The following MUC22 variants were observed in gnomAD, a reference collection of about 807,000 sequenced individuals.
MUC22 encodes the protein mucin 22.
MUC22 carries 24 observed loss-of-function variants against 40.3 expected under a neutral mutation model. The ratio of observed to expected loss-of-function variants is 0.60; its 90% confidence interval spans 0.43 to 0.84. The LOEUF is 0.84. Ranked by LOEUF, MUC22 falls within the 40% of genes least tolerant of loss-of-function variation. MUC22 has a pLI of 0.00. For synonymous variants in MUC22, 765 were observed against 844.5 expected, an observed-to-expected ratio of 0.91 and a Z score of 1.63; for missense variants, 1,926 against 2,130.7, an observed-to-expected ratio of 0.90 and a Z score of 1.89.
intron 1 of MUC22, among the ~76,000 whole-genome samples, chr6:31,022,364 A>G (rs939038622): frequency 6.6e-6 from 1 of 151,808 alleles, no homozygotes; most frequent in Admixed American, 6.6e-5. Flanking sequence ...GGGGTTCTCA[A>G]TTTTGGTTAG....
intron 3 of MUC22, 60 bp from the exon 4 acceptor site, chr6:31,034,612 G>C: frequency 7.2e-7 from 1 of 1,388,152 alleles, no homozygotes; most frequent in Non-Finnish European, 9.7e-7. Context: ...AGGCATGTAT[G>C]GTGATTAGGG....
rs1367392886 is a variant in MUC22, at chr6:31,032,424, G to A, written c.4898G>A (p.Gly1633Asp). ...ACCAGCAGCACCTTCCAGGAAACAGGCCCGGTGTCCATGGGCACAAACACA... is the reference window on the plus strand; with the variant it reads ...ACCAGCAGCACCTTCCAGGAAACAGACCCGGTGTCCATGGGCACAAACACA... The change falls in exon 3 of 4, where the codon GGC becomes GAC. Residue 1633 changes from glycine (G) to aspartate (D), a missense_variant. By Grantham distance (94) the Gly-to-Asp change is moderately conservative. This residue lies in a region of MUC22 where 610 missense variants were observed against 714.6 expected (regional missense o/e 0.85). Coordinates refer to ENST00000561890, the Ensembl canonical transcript of MUC22. This position sits in a 1 kb window ranked among gnomAD's most constrained non-coding sequence, Gnocchi z 4.1. 3.9e-6 allele frequency: 6 copies of A among 1,535,606 alleles called. No individual in the cohort carries two copies. The African/African-American group carries it at 4.1e-5, about 11-fold the overall frequency.
In MUC22 at chr6:31,032,241, C is replaced by T; in HGVS notation, c.4715C>T (p.Thr1572Ile). The change falls in exon 3 of 4, where the codon ACC becomes ATC. Residue 1572 changes from threonine (T) to isoleucine (I), a missense_variant. Coordinates refer to ENST00000561890, the Ensembl canonical transcript of MUC22. This position sits in a 1 kb window ranked among gnomAD's most constrained non-coding sequence, Gnocchi z 4.1. ...AGACTCACTGCCTCCAGCTCTGTCA[C>T]CATGGCCCCTGGAATGGACTTCACG... The T allele has an allele frequency of 2.6e-6, 4 of 1,535,602 alleles. No homozygotes were observed. Among genetic ancestry groups the T allele is most frequent in the Non-Finnish European group, 3.5e-6 (4 of 1,146,844 alleles).
intron 1 of MUC22, among the ~76,000 whole-genome samples, chr6:31,025,005 G>C (rs373776113): frequency 1.3e-5 from 2 of 152,052 alleles, no homozygotes; most frequent in South Asian, 4.2e-4. Flanking sequence ...GAATAGCTGG[G>C]ATTATAGGCA....
At chr6:31,012,965 C>T (rs1054315100) in intron 1 of MUC22, among the ~76,000 whole-genome samples, 1 of 151,944 alleles carries the variant, frequency 6.6e-6, no homozygotes, top group Non-Finnish European at 1.5e-5. Context: ...TGACACCCCA[C>T]CAAGCAAGAT....
chr6:31,013,831 A>C (rs1764012833), intron 1 of MUC22, among the ~76,000 whole-genome samples: 1 of 152,102 alleles, frequency 6.6e-6, no homozygotes, highest in Admixed American at 6.6e-5. Flanking sequence ...ACCCGGCCAT[A>C]AATTCTCTTA....
rs1319378241 is a variant in MUC22, at chr6:31,032,527, C to A, written c.5001C>A (p.Ser1667=). The change falls in exon 3 of 4, where the codon TCC becomes TCA. Residue 1667 remains serine (S), a synonymous_variant. Transcript: ENST00000561890. The surrounding 1 kb of genome is among the most constrained non-coding windows in gnomAD (Gnocchi z 4.1). ...AGCCCTGGGCTATCATCCTCATTTC[C>A]CTGGCTGCAGTTGTGGCTGCTGTTG... is the stretch of plus-strand genomic sequence containing the variant. The A allele has an allele frequency of 6.5e-7, 1 of 1,535,532 alleles. No individual in the cohort carries two copies. The highest frequency in any genetic ancestry group is 8.7e-7 in the Non-Finnish European group (1 of 1,146,906).
At chr6:31,018,743 G>A (rs1764454723) in intron 1 of MUC22, among the ~76,000 whole-genome samples, 2 of 152,262 alleles carry the variant, frequency 1.3e-5, no homozygotes, top group Admixed American at 1.3e-4. Flanking sequence ...ACATGGCCCA[G>A]GCCATATCTT....
intron 1 of MUC22, among the ~76,000 whole-genome samples, chr6:31,021,859 C>T (rs566169429): frequency 1.3e-5 from 2 of 152,064 alleles, no homozygotes; most frequent in Middle Eastern, 3.2e-3. Context: ...GTTTTCCACA[C>T]TGTGGAAACT....
chr6:31,034,780 A>G, exon 4 of MUC22: 5 of 1,535,740 alleles, frequency 3.3e-6, no homozygotes, highest in Admixed American at 3.9e-5. Context: ...GACATTCCAC[A>G]GCCTGGGAAA....
intron 1 of MUC22, among the ~76,000 whole-genome samples, chr6:31,014,502 T>C (rs1262955027): frequency 6.6e-6 from 1 of 152,060 alleles, no homozygotes; most frequent in Admixed American, 6.5e-5. Context: ...AATTCTTATC[T>C]TTTTTCTGGC....
chr6:31,009,690 A>T (rs1315428741), upstream of MUC22, among the ~76,000 whole-genome samples: 1 of 152,240 alleles, frequency 6.6e-6, no homozygotes, highest in African/African-American at 2.4e-5. Context: ...GAGAGTCTGG[A>T]AACTGAGTTG....
intron 1 of MUC22, among the ~76,000 whole-genome samples, chr6:31,013,544 A>T (rs1285930369): frequency 1.3e-5 from 2 of 152,192 alleles, no homozygotes; most frequent in Non-Finnish European, 2.9e-5. Context: ...TCTGAAAAAG[A>T]AATACTTGTA....
chr6:31,012,803 CCGTCTCAGG>C, intron 1 of MUC22, among the ~76,000 whole-genome samples: 1 of 147,004 alleles, frequency 6.8e-6, no homozygotes, highest in Admixed American at 6.7e-5. Context: ...CACCCTCCTG[CCGTCTCAGG>C]GGCTTTGCTC....
intron 1 of MUC22, among the ~76,000 whole-genome samples, chr6:31,021,938 C>G (rs1027969624): frequency 2.0e-5 from 3 of 152,106 alleles, no homozygotes; most frequent in Non-Finnish European, 4.4e-5. Context: ...TTTTTATGAT[C>G]TGTAACACTC....
upstream of MUC22, among the ~76,000 whole-genome samples, chr6:31,006,862 A>G (rs545125871): frequency 2.0e-5 from 3 of 152,308 alleles, no homozygotes; most frequent in African/African-American, 7.2e-5. Flanking sequence ...CAAAAGGATA[A>G]TGGAAGCTAG....
chr6:31,025,768 A>G (rs1203596929), exon 2 of MUC22: 1 of 1,532,456 alleles, frequency 6.5e-7, no homozygotes, highest in East Asian at 2.4e-5. Flanking sequence ...GACCTTCACC[A>G]CAGGCTCTGA....
chr6:31,016,260 A>C (rs547768805), intron 1 of MUC22, among the ~76,000 whole-genome samples: 1 of 151,948 alleles, frequency 6.6e-6, no homozygotes, highest in East Asian at 1.9e-4. Context: ...TTTGGTCTCT[A>C]TATTTCAAGC....
intron 1 of MUC22, among the ~76,000 whole-genome samples, 198 bp from the exon 2 acceptor site, chr6:31,025,304 C>T (rs180874339): frequency 6.6e-6 from 1 of 152,280 alleles, no homozygotes; most frequent in African/African-American, 2.4e-5. Flanking sequence ...CTCTTCTTTA[C>T]TAAATTATAA....
Sources: gnomAD v4.1 joint callset for allele counts (sites outside exome capture counted in the v4.1 genomes callset) on GRCh38, gnomAD v4.1.1 for gene constraint, gnomAD v4.1.1 regional missense constraint, Gnocchi (gnomAD v3.1) non-coding constraint, MANE v1.5 for transcripts, NCBI Gene and HGNC (gene_info 2026-07-23, HGNC 2026-07-21) for gene names.